ZFYVE28: variants seen among roughly 807,000 people sequenced by gnomAD.
ZFYVE28 encodes the protein zinc finger FYVE-type containing 28.
In ZFYVE28, 40 loss-of-function variants were observed where a neutral mutation model predicts 82.1. The ratio of observed to expected loss-of-function variants is 0.49; its 90% CI spans 0.38 to 0.63. ZFYVE28 has a LOEUF of 0.63. Among genes scored for constraint, ZFYVE28 ranks in the 30% least tolerant of loss-of-function variants. The pLI is 0.00. For synonymous variants in ZFYVE28, 612 were observed against 546.1 expected (o/e 1.12, Z -1.68); for missense variants, 1,321 against 1,242.1 (o/e 1.06, Z -0.96).
chr4:2,348,557 G>A (rs183520726), intron 2 of ZFYVE28, among the ~76,000 whole-genome samples: 13 of 152,292 alleles, frequency 8.5e-5, no homozygotes, highest in Admixed American at 5.2e-4. Context: ...TCAATAATGC[G>A]TAAAAGGATA....
At chr4:2,380,241 CTT>C (rs923305426) in intron 1 of ZFYVE28, among the ~76,000 whole-genome samples, 1 of 152,184 alleles carries the variant, frequency 6.6e-6, no homozygotes, top group African/African-American at 2.4e-5. Flanking sequence ...GCTGTTGTCT[CTT>C]TGGGTAACTC....
At chr4:2,287,503 T>C (rs1712944444) in intron 8 of ZFYVE28, 1 of 152,286 alleles carries the variant, frequency 6.6e-6, no homozygotes, top group East Asian at 1.9e-4. Context: ...TTGCAGTCAC[T>C]GTTTCAACAT....
intron 6 of ZFYVE28, among the ~76,000 whole-genome samples, chr4:2,322,178 G>C (rs1037752931): frequency 6.6e-6 from 1 of 152,244 alleles, no homozygotes; most frequent in Non-Finnish European, 1.5e-5. Flanking sequence ...TCAGGCCCAG[G>C]TGCTGAAGTA....
chr4:2,362,392 C>T lies in ZFYVE28; in HGVS notation c.40-8319G>A, dbSNP rs1726284630. Among the ~76,000 whole-genome samples, 1 of 152,154 alleles carries T rather than the reference C, an allele frequency of 6.6e-6. No individual in the cohort carries two copies. Among genetic ancestry groups the T allele is most frequent in the Non-Finnish European group, 1.5e-5 (1 of 68,014 alleles). The stretch of plus-strand genomic sequence containing the variant: ...CAAATGCGGCCCCACAGCTGTGACC[C>T]CCACAGCAGCTGTTCCTCAGCCCTC... On this transcript the variant is annotated intron_variant, in intron 1 of 12. Coordinates refer to ENST00000290974, the MANE Select transcript of ZFYVE28 (RefSeq NM_020972.3). The surrounding 1 kb of genome is among the most constrained non-coding windows in gnomAD (Gnocchi z 5.1).
chr4:2,339,637 T>C lies in ZFYVE28; in HGVS notation c.337A>G (p.Ile113Val), dbSNP rs2108861650. The change falls in exon 4 of 13, where the codon ATC becomes GTC. Residue 113 changes from isoleucine (I) to valine (V), a missense_variant. Physicochemically the swap from Ile to Val is conservative, Grantham distance 29 (BLOSUM62 3). Around this residue, in one of 2 missense-constraint regions of ZFYVE28, gnomAD observed 343 missense variants for 408.4 expected, o/e 0.84. Coordinates refer to ENST00000290974, the MANE Select transcript of ZFYVE28 (RefSeq NM_020972.3). This position sits in a 1 kb window ranked among gnomAD's most constrained non-coding sequence, Gnocchi z 5.0. ...CTCTCCAGCTCCCGGTTCATGATGA[T>C]GGAGCCGGCGGCCAGGCACTGCGGG... ...FGAECLAAGS[I>V]IMNRELESMA... 1.2e-6 allele frequency: 2 copies of C among 1,604,632 alleles called. No individual in the cohort carries two copies. Among genetic ancestry groups the C allele is most frequent in the Non-Finnish European group, 1.7e-6 (2 of 1,176,446 alleles).
intron 2 of ZFYVE28, among the ~76,000 whole-genome samples, chr4:2,349,786 C>A (rs1724090798): frequency 6.6e-6 from 1 of 151,902 alleles, no homozygotes; most frequent in African/African-American, 2.4e-5. Flanking sequence ...TCTCCGTTGA[C>A]ACACAAAAAA....
rs540239361 is a variant in ZFYVE28 at position 2,274,153 on chromosome 4, C to T, written c.2115G>A (p.Thr705=). 115 of 1,613,780 alleles carry T rather than the reference C, an allele frequency of 7.1e-5. 1 individual carries two copies. In the East Asian group the frequency reaches 2.3e-3, roughly 33 times the overall value. ...CTCTTGTGGCCTGTGGGGCAGCATG[C>T]GTGGCTGCTGGGGCCGCCTCTGGCC... The part of the protein sequence containing the change: ...KMGPEAAPAA[T]HAAPQATREK... Residue 705 remains threonine, a synonymous_variant, in exon 9 of 13, where the codon ACG becomes ACA. Coordinates refer to ENST00000290974, the MANE Select transcript of ZFYVE28 (RefSeq NM_020972.3).
intron 8 of ZFYVE28, among the ~76,000 whole-genome samples, chr4:2,275,933 G>T (rs1269945622): frequency 6.6e-6 from 1 of 152,180 alleles, no homozygotes; most frequent in African/African-American, 2.4e-5. Context: ...TGATCTAATC[G>T]CCCACCAGCA....
At chr4:2,324,299 C>T (rs1719548737) in intron 6 of ZFYVE28, among the ~76,000 whole-genome samples, 1 of 152,174 alleles carries the variant, frequency 6.6e-6, no homozygotes, top group Non-Finnish European at 1.5e-5. Flanking sequence ...CACGGAGGGT[C>T]GTCAGCTGTA....
intron 1 of ZFYVE28, among the ~76,000 whole-genome samples, chr4:2,369,763 C>G (rs1018574255): frequency 1.3e-5 from 2 of 151,944 alleles, no homozygotes; most frequent in Non-Finnish European, 2.9e-5. Flanking sequence ...CCCTCAGAGC[C>G]CCCAAAAGAA....
chr4:2,395,420 C>T (rs1475622507), intron 1 of ZFYVE28, among the ~76,000 whole-genome samples: 1 of 152,252 alleles, frequency 6.6e-6, no homozygotes, highest in Non-Finnish European at 1.5e-5. Flanking sequence ...TCCAATTAGG[C>T]CCCTTCATAA....
chr4:2,329,138 C>T (rs953516925), intron 6 of ZFYVE28: 2 of 697,572 alleles, frequency 2.9e-6, no homozygotes, highest in African/African-American at 3.5e-5. Flanking sequence ...ACACCTTTTC[C>T]ATTTCTGCAA....
intron 1 of ZFYVE28, among the ~76,000 whole-genome samples, chr4:2,370,078 G>C (rs1366618582): frequency 6.6e-6 from 1 of 151,782 alleles, no homozygotes; most frequent in Admixed American, 6.6e-5. Context: ...TTGATCTCCT[G>C]ATCTCGTGAT....
intron 1 of ZFYVE28, among the ~76,000 whole-genome samples, chr4:2,385,258 G>A (rs1362952426): frequency 2.0e-5 from 3 of 152,212 alleles, no homozygotes; most frequent in Non-Finnish European, 4.4e-5. Context: ...TGGCCTGTAT[G>A]GTGGCTACTT....
rs930008656 is a variant in ZFYVE28 at position 2,409,853 on chromosome 4, G to A, written c.39+8432C>T. Reference sequence around the variant, plus strand: ...GCCCTGCCAGCAGCACAGGGTGGGAGGAGAGGCTGGGCTGGGACTTGAGGA... The same window carrying A: ...GCCCTGCCAGCAGCACAGGGTGGGAAGAGAGGCTGGGCTGGGACTTGAGGA... On this transcript the variant is annotated intron_variant, in intron 1 of 12. Coordinates refer to ENST00000290974, the MANE Select transcript of ZFYVE28 (RefSeq NM_020972.3). This position sits in a 1 kb window ranked among gnomAD's most constrained non-coding sequence, Gnocchi z 4.4. Among the ~76,000 whole-genome samples the A allele has an allele frequency of 2.0e-5, 3 of 152,228 alleles. No homozygotes were observed. The East Asian group carries it at 5.8e-4, about 29-fold the overall frequency.
chr4:2,307,612 A>G (rs1716778373), intron 7 of ZFYVE28, among the ~76,000 whole-genome samples: 1 of 152,150 alleles, frequency 6.6e-6, no homozygotes, highest in Admixed American at 6.5e-5. Context: ...CCTCCTGAGC[A>G]GCTGGTACTA....
intron 1 of ZFYVE28, among the ~76,000 whole-genome samples, chr4:2,375,969 G>A (rs573096619): frequency 4.3e-4 from 66 of 151,928 alleles, no homozygotes; most frequent in African/African-American, 1.6e-3. Context: ...TGCCTCCTGG[G>A]TTCAAGTGAT....
chr4:2,409,543 G>A lies in ZFYVE28; in HGVS notation c.39+8742C>T, dbSNP rs1181745162. 1.3e-5 allele frequency among the ~76,000 whole-genome samples: 2 copies of A among 152,126 alleles called. No homozygotes were observed. Among genetic ancestry groups the A allele is most frequent in the African/African-American group, 2.4e-5 (1 of 41,420 alleles). On this transcript the variant is annotated intron_variant, in intron 1 of 12. Coordinates refer to ENST00000290974, the MANE Select transcript of ZFYVE28 (RefSeq NM_020972.3). The surrounding 1 kb of genome is among the most constrained non-coding windows in gnomAD (Gnocchi z 4.4). ...ACACCCCCTTGCCACTCACATCTCA[G>A]CAGCCCCCTCGCCCCCACTCCGCTG...
At chr4:2,316,403 G>A (rs1447264422) in intron 7 of ZFYVE28, 1 of 152,302 alleles carries the variant, frequency 6.6e-6, no homozygotes, top group East Asian at 1.9e-4. Context: ...GCAGACACCT[G>A]ATCAGCATAG....
Sources: allele counts gnomAD v4.1 joint callset (sites outside exome capture counted in the v4.1 genomes callset), GRCh38; gene constraint gnomAD v4.1.1; regional missense constraint gnomAD v4.1.1; non-coding constraint Gnocchi (gnomAD v3.1); transcripts MANE v1.5; gene names NCBI Gene and HGNC (gene_info 2026-07-23, HGNC 2026-07-21).